SH3PXD2A: variants seen among roughly 807,000 people sequenced by gnomAD.
The protein encoded by SH3PXD2A is SH3 and PX domains 2A.
In SH3PXD2A, 32 loss-of-function variants were observed where a neutral mutation model predicts 115.2. The ratio of observed to expected loss-of-function variants is 0.28; its 90% CI spans 0.21 to 0.37. The LOEUF (loss-of-function observed/expected upper bound fraction) is 0.37. SH3PXD2A is among the 10% of genes least tolerant of loss of function. The pLI, the probability that SH3PXD2A is intolerant of heterozygous loss-of-function variation, is 1.00. For synonymous variants in SH3PXD2A, 610 were observed against 629.1 expected (o/e 0.97, Z 0.45); for missense variants, 1,328 against 1,498.7 (o/e 0.89, Z 1.88).
At chr10:103,817,031 G>C (rs1589468101) in intron 1 of SH3PXD2A, among the ~76,000 whole-genome samples, 1 of 115,736 alleles carries the variant, frequency 8.6e-6, no homozygotes, top group African/African-American at 3.2e-5. Context: ...TGTATTTTTA[G>C]TAGAGATGGG....
At chr10:103,723,676 T>G (rs2038208375) in intron 5 of SH3PXD2A, among the ~76,000 whole-genome samples, 1 of 152,216 alleles carries the variant, frequency 6.6e-6, no homozygotes, top group South Asian at 2.1e-4. Context: ...TGCATGACTC[T>G]GGGGGAAAAG....
At chr10:103,684,450 CT>C (rs2037650060) in intron 6 of SH3PXD2A, among the ~76,000 whole-genome samples, 1 of 152,034 alleles carries the variant, frequency 6.6e-6, no homozygotes, top group Non-Finnish European at 1.5e-5. Flanking sequence ...ACTCCGCCCC[CT>C]GGGTTCAAGT....
intron 2 of SH3PXD2A, among the ~76,000 whole-genome samples, chr10:103,768,946 C>T (rs72817647): frequency 0.15 from 23,073 of 151,764 alleles, 1,981 homozygotes; most frequent in East Asian, 0.29. Context: ...AAGGGGGAGG[C>T]GCCAGGCTCT....
chr10:103,643,542 A>G (rs61870170), intron 8 of SH3PXD2A, among the ~76,000 whole-genome samples: 69,829 of 152,030 alleles, frequency 0.46, 16,217 homozygotes, highest in East Asian at 0.64. Flanking sequence ...ACAAGAGAGC[A>G]AGGCAAGTTC....
At chr10:103,689,981 T>C (rs2037726613) in intron 6 of SH3PXD2A, among the ~76,000 whole-genome samples, 1 of 152,118 alleles carries the variant, frequency 6.6e-6, no homozygotes, top group South Asian at 2.1e-4. Context: ...TGCGCAAATG[T>C]CCCTGGCTGG....
chr10:103,744,099 G>C (rs1231137955), intron 3 of SH3PXD2A, among the ~76,000 whole-genome samples: 1 of 152,126 alleles, frequency 6.6e-6, no homozygotes, highest in African/African-American at 2.4e-5. Flanking sequence ...CTTTCACCTG[G>C]GTTAGCCCTG....
At position 103,683,748 on chromosome 10, in the gene SH3PXD2A, C is replaced by T. The variant is rs566539482; in HGVS notation, c.427+9280G>A. 1.1e-3 allele frequency among the ~76,000 whole-genome samples: 173 copies of T among 152,282 alleles called. 1 individual carries two copies. Among genetic ancestry groups the T allele is most frequent in the African/African-American group, 4.0e-3 (165 of 41,570 alleles). On this transcript the variant is annotated intron_variant, in intron 6 of 14. Coordinates refer to ENST00000369774, the MANE Select transcript of SH3PXD2A (RefSeq NM_001394015.1). The stretch of plus-strand genomic sequence containing the variant: ...ACATCCTTACTCATGCCTGGCTGTC[C>T]CTCCTGCAGGGTGCCCTACCCACAC...
At chr10:103,681,248 C>A (rs893035430) in intron 6 of SH3PXD2A, among the ~76,000 whole-genome samples, 1 of 152,188 alleles carries the variant, frequency 6.6e-6, no homozygotes, top group Non-Finnish European at 1.5e-5. Flanking sequence ...GGAGTCCTGT[C>A]CTCCATTCCT....
intron 5 of SH3PXD2A, chr10:103,693,338 C>T (rs2037784980): frequency 6.7e-6 from 1 of 150,160 alleles, no homozygotes; most frequent in Non-Finnish European, 1.5e-5. Context: ...GCTCACCTTC[C>T]CTAAGCCTTG....
chr10:103,834,454 C>T (rs2039511153), intron 1 of SH3PXD2A, among the ~76,000 whole-genome samples: 1 of 152,196 alleles, frequency 6.6e-6, no homozygotes, highest in East Asian at 1.9e-4. Flanking sequence ...CTAAAGGGTA[C>T]AGGGTTTCTT....
intron 1 of SH3PXD2A, among the ~76,000 whole-genome samples, chr10:103,843,610 C>T (rs114586301): frequency 1.4e-3 from 219 of 152,292 alleles, no homozygotes; most frequent in African/African-American, 5.0e-3. Flanking sequence ...TCTTAACATC[C>T]GCTCCAACCA....
chr10:103,852,833 C>A (rs911676648), intron 1 of SH3PXD2A, among the ~76,000 whole-genome samples: 6 of 152,188 alleles, frequency 3.9e-5, no homozygotes, highest in African/African-American at 1.4e-4. Context: ...TTTTTGACCA[C>A]CAGTTATTTG....
chr10:103,784,980 C>T lies in SH3PXD2A; in HGVS notation c.153+16302G>A, dbSNP rs2038967376. Among the ~76,000 whole-genome samples, 1 of 152,194 alleles carries T rather than the reference C, an allele frequency of 6.6e-6. No individual in the cohort carries two copies. Among genetic ancestry groups the T allele is most frequent in the African/African-American group, 2.4e-5 (1 of 41,444 alleles). Reference sequence around the variant, plus strand: ...GTTGCATCTGTCTCCAGCCCCTCAGCCCCACTCTGAACACCAACACTTGCC... The same window carrying T: ...GTTGCATCTGTCTCCAGCCCCTCAGTCCCACTCTGAACACCAACACTTGCC... On this transcript the variant is annotated intron_variant, in intron 2 of 14. Transcript: ENST00000369774. This position sits in a 1 kb window ranked among gnomAD's most constrained non-coding sequence, Gnocchi z 4.4.
chr10:103,701,224 C>T (rs1212251534), intron 5 of SH3PXD2A, among the ~76,000 whole-genome samples: 1 of 142,548 alleles, frequency 7.0e-6, no homozygotes, highest in Non-Finnish European at 1.5e-5. Flanking sequence ...TATCCATCTA[C>T]CATCCAGCCA....
chr10:103,661,788 CAT>C (rs1362430345), intron 7 of SH3PXD2A: 22 of 985,218 alleles, frequency 2.2e-5, no homozygotes, highest in Middle Eastern at 5.2e-4. Flanking sequence ...AATAGAAACA[CAT>C]GAGACCCGTC....
intron 10 of SH3PXD2A, 52 bp downstream of exon 10, chr10:103,622,418 G>T: frequency 8.5e-7 from 1 of 1,178,236 alleles, no homozygotes; most frequent in Non-Finnish European, 1.2e-6. Context: ...AGCAGTGTTA[G>T]CGAGAGACAG....
chr10:103,808,339 C>T (rs1185226245), intron 1 of SH3PXD2A, among the ~76,000 whole-genome samples: 3 of 152,156 alleles, frequency 2.0e-5, no homozygotes, highest in Non-Finnish European at 2.9e-5. Context: ...GCAACCTCCG[C>T]CTCCTGGGTT....
intron 5 of SH3PXD2A, among the ~76,000 whole-genome samples, chr10:103,694,288 G>A (rs200427641): frequency 1.4e-5 from 2 of 144,418 alleles, no homozygotes; most frequent in Admixed American, 1.4e-4. Context: ...TTGGGGGTTT[G>A]GGGGGATGCG....
chr10:103,767,739 AG>A (rs1422278943), intron 2 of SH3PXD2A, among the ~76,000 whole-genome samples: 1 of 145,914 alleles, frequency 6.9e-6, no homozygotes, highest in African/African-American at 2.6e-5. Flanking sequence ...TCCCACCCTG[AG>A]GTCGCTGCTG....
Sources: gnomAD v4.1 joint callset for allele counts (sites outside exome capture counted in the v4.1 genomes callset) on GRCh38, gnomAD v4.1.1 for gene constraint, Gnocchi (gnomAD v3.1) non-coding constraint, MANE v1.5 for transcripts, NCBI Gene and HGNC (gene_info 2026-07-23, HGNC 2026-07-21) for gene names.